Variants in JAK2 observed in about 807,000 individuals in gnomAD.
The protein encoded by JAK2 is Janus kinase 2, also known as tyrosine-protein kinase JAK2.
JAK2 carries 86 observed loss-of-function variants against 139.3 expected under a neutral mutation model. The ratio of observed to expected loss-of-function variants is 0.62; its 90% CI spans 0.52 to 0.74. The LOEUF (loss-of-function observed/expected upper bound fraction) is 0.74. JAK2 is among the 30% of genes least tolerant of loss of function. The pLI, the probability that JAK2 is intolerant of heterozygous loss-of-function variation, is 0.00. For missense variants in JAK2, 1,421 were observed against 1,360.3 expected (o/e 1.04, Z -0.70); for synonymous variants, 490 against 437.7 (o/e 1.12, Z -1.49).
chr9:5,043,792 G>A (rs959160951), intron 4 of JAK2, among the ~76,000 whole-genome samples: 8 of 152,208 alleles, frequency 5.3e-5, no homozygotes, highest in African/African-American at 1.9e-4. Flanking sequence ...AATGATACAT[G>A]CTCTAATGTG....
intron 22 of JAK2, among the ~76,000 whole-genome samples, chr9:5,092,888 C>T (rs1028621384): frequency 1.3e-5 from 2 of 152,152 alleles, no homozygotes; most frequent in Non-Finnish European, 2.9e-5. Context: ...AACTGTTAAT[C>T]TAAAGAGGGA....
intron 3 of JAK2, among the ~76,000 whole-genome samples, chr9:5,027,581 C>T (rs533744266): frequency 3.9e-5 from 6 of 152,194 alleles, no homozygotes; most frequent in African/African-American, 1.2e-4. Flanking sequence ...CTCTTCCTTT[C>T]GTGAAAGATG....
Position 5,005,522 on chromosome 9 carries a change from C to G in JAK2, c.-25-16441C>G, listed in dbSNP as rs150157548. On this transcript the variant is annotated intron_variant, in intron 2 of 24. Transcript: ENST00000381652. ...ACTCCTGGGGGTAAATTCATTTGGT[C>G]AAGATGTATTCTTTTAAAGTGTTAT... 4.6e-3 allele frequency among the ~76,000 whole-genome samples: 705 copies of G among 152,120 alleles called. 6 individuals carry two copies. Among genetic ancestry groups the G allele is most frequent in the African/African-American group, 0.016 (669 of 41,492 alleles).
At chr9:5,090,649 CATAGATA>C in intron 21 of JAK2, 79 bp downstream of exon 21, 4 of 1,511,076 alleles carry the variant, frequency 2.6e-6, no homozygotes, top group Non-Finnish European at 3.6e-6. Flanking sequence ...TAGACGTTTT[CATAGATA>C]ATAAAGGGAA....
rs147867540 is a variant in JAK2 at position 4,998,741 on chromosome 9, C to CA, written c.-26+12730dup. Among the ~76,000 whole-genome samples, 322 of 143,686 alleles carry CA rather than the reference C, an allele frequency of 2.2e-3. 2 individuals carry two copies. Among genetic ancestry groups the CA allele is most frequent in the East Asian group, 0.01 (50 of 4,978 alleles). 94.3% of individuals were successfully genotyped at this position (143,686 alleles called of 152,430 possible). A position where few individuals can be genotyped will look rare whatever the true frequency, so the allele number is the denominator to read the frequency against. On this transcript the variant is annotated intron_variant, in intron 2 of 24. Transcript: ENST00000381652. The stretch of plus-strand genomic sequence containing the variant: ...TCCTAAGACCAAAAACCACAAAAAA[C>CA]AAAAAAAAAAACAACAAAAAACCAA...
intron 19 of JAK2, among the ~76,000 whole-genome samples, chr9:5,088,274 G>A (rs770685440): frequency 1.3e-5 from 2 of 152,074 alleles, no homozygotes; most frequent in Non-Finnish European, 2.9e-5. Flanking sequence ...CTTCTAAACT[G>A]TGTAATTAAG....
intron 3 of JAK2, among the ~76,000 whole-genome samples, chr9:5,026,096 A>C (rs1822766823): frequency 6.6e-6 from 1 of 152,126 alleles, no homozygotes; most frequent in Admixed American, 6.6e-5. Context: ...GATTTTTATC[A>C]TGTCCATCTC....
intron 19 of JAK2, 54 bp downstream of exon 19, chr9:5,081,915 C>T: frequency 7.0e-7 from 1 of 1,427,278 alleles, no homozygotes; most frequent in Non-Finnish European, 9.8e-7. Flanking sequence ...TTAGGAAAAA[C>T]TTAAGAGCGT....
At chr9:5,104,111 C>T (rs1210957150) in intron 22 of JAK2, among the ~76,000 whole-genome samples, 2 of 152,022 alleles carry the variant, frequency 1.3e-5, no homozygotes, top group East Asian at 3.9e-4. Flanking sequence ...TTCAAAAAAT[C>T]AATGAATCCA....
chr9:5,103,831 G>A (rs1821728613), intron 22 of JAK2, among the ~76,000 whole-genome samples: 1 of 152,112 alleles, frequency 6.6e-6, no homozygotes, highest in Admixed American at 6.6e-5. Context: ...GGTAAATAAT[G>A]AAATGAAGAC....
intron 2 of JAK2, among the ~76,000 whole-genome samples, chr9:5,008,237 G>A (rs1821450584): frequency 6.6e-6 from 1 of 152,086 alleles, no homozygotes; most frequent in East Asian, 1.9e-4. Flanking sequence ...CATTGTTTAT[G>A]TTTTGAATAC....
chr9:5,071,211 T>C (rs1818931192), intron 12 of JAK2, among the ~76,000 whole-genome samples: 1 of 152,150 alleles, frequency 6.6e-6, no homozygotes, highest in African/African-American at 2.4e-5. Flanking sequence ...CGGAACCACA[T>C]ACTCTTAACC....
chr9:5,015,177 C>G (rs1821961051), intron 2 of JAK2, among the ~76,000 whole-genome samples: 1 of 152,034 alleles, frequency 6.6e-6, no homozygotes, highest in African/African-American at 2.4e-5. Flanking sequence ...TACCTATTTT[C>G]CTGATAGTTT....
At chr9:5,028,078 C>T (rs754303125) in intron 3 of JAK2, among the ~76,000 whole-genome samples, 30 of 152,146 alleles carry the variant, frequency 2.0e-4, no homozygotes, top group Non-Finnish European at 3.8e-4. Flanking sequence ...TTTTTATTTA[C>T]TTTGCTTAGA....
intron 19 of JAK2, among the ~76,000 whole-genome samples, chr9:5,088,173 A>T (rs575270584): frequency 6.6e-6 from 1 of 152,126 alleles, no homozygotes; most frequent in Non-Finnish European, 1.5e-5. Context: ...GGTCACAGAG[A>T]GAGCAAGTTG....
At chr9:5,040,716 C>T (rs1816422638) in intron 4 of JAK2, among the ~76,000 whole-genome samples, 1 of 152,252 alleles carries the variant, frequency 6.6e-6, no homozygotes, top group Non-Finnish European at 1.5e-5. Context: ...AAAAGATGCC[C>T]AACAGGTGGG....
intron 4 of JAK2, among the ~76,000 whole-genome samples, chr9:5,044,032 A>T (rs1398809855): frequency 2.0e-5 from 3 of 152,342 alleles, no homozygotes; most frequent in East Asian, 1.9e-4. Context: ...TTTAACTTCC[A>T]TTTCTCCAAA....
At chr9:5,112,094 A>T (rs1047394047) in intron 22 of JAK2, 8 of 361,536 alleles carry the variant, frequency 2.2e-5, no homozygotes, top group Non-Finnish European at 4.4e-5. Context: ...AAGACCACCT[A>T]CCTGAACGAG....
chr9:4,992,582 A>G (rs756308322), intron 2 of JAK2, among the ~76,000 whole-genome samples: 6 of 152,158 alleles, frequency 3.9e-5, no homozygotes, highest in African/African-American at 1.2e-4. Flanking sequence ...CTTCTCCTCA[A>G]AGGTCCCTAA....
Sources: allele counts gnomAD v4.1 joint callset (sites outside exome capture counted in the v4.1 genomes callset), GRCh38; gene constraint gnomAD v4.1.1; transcripts MANE v1.5; gene names NCBI Gene and HGNC (gene_info 2026-07-23, HGNC 2026-07-21).